Variants in GMDS observed in about 807,000 individuals in gnomAD.
GMDS encodes GDP-mannose 4,6 dehydratase.
In GMDS, 20 loss-of-function variants were observed where a neutral mutation model predicts 49.9. The observed-to-expected ratio is 0.40, with a 90% CI of 0.28 to 0.58. GMDS has a LOEUF of 0.58. GMDS is among the 20% of genes least tolerant of loss of function. The pLI is 0.42. For missense variants in GMDS, 362 were observed against 481.4 expected, an observed-to-expected ratio of 0.75 and a Z score of 2.32; for synonymous variants, 177 against 178.6, an observed-to-expected ratio of 0.99 and a Z score of 0.07.
At chr6:2,041,670 G>A (rs1769690726) in intron 4 of GMDS, among the ~76,000 whole-genome samples, 1 of 152,162 alleles carries the variant, frequency 6.6e-6, no homozygotes, top group Admixed American at 6.5e-5. Flanking sequence ...GTCATGGGGA[G>A]GTGGAGGTCA....
intron 7 of GMDS, among the ~76,000 whole-genome samples, chr6:1,804,431 G>T (rs1237689994): frequency 1.3e-5 from 2 of 152,238 alleles, no homozygotes; most frequent in Non-Finnish European, 2.9e-5. Context: ...TGGTAACTGT[G>T]GCGTCTGCCA....
chr6:2,216,857 A>G (rs1370567224), intron 1 of GMDS, among the ~76,000 whole-genome samples: 1 of 152,166 alleles, frequency 6.6e-6, no homozygotes, highest in East Asian at 1.9e-4. Flanking sequence ...TCTCCTGGGC[A>G]GGTGCCTCTG....
chr6:1,659,262 C>T (rs1266921778), intron 9 of GMDS, among the ~76,000 whole-genome samples: 2 of 150,064 alleles, frequency 1.3e-5, no homozygotes, highest in South Asian at 2.2e-4. Context: ...TCATAAAATT[C>T]ACTCGTTTCA....
At chr6:1,809,752 A>G (rs565607553) in intron 7 of GMDS, among the ~76,000 whole-genome samples, 1 of 152,306 alleles carries the variant, frequency 6.6e-6, no homozygotes, top group East Asian at 1.9e-4. Flanking sequence ...AAGATCCTGA[A>G]AAGACAATCT....
intron 4 of GMDS, among the ~76,000 whole-genome samples, chr6:1,987,279 CAACTTTTTTTTT>C (rs1561949125): frequency 0.075 from 4,866 of 65,158 alleles, 254 homozygotes; most frequent in African/African-American, 0.21. Context: ...AACCTTTTTT[CAACTTTTTTTTT>C]CTTCCTTTCT....
chr6:2,064,543 T>C (rs1441396304), intron 4 of GMDS, among the ~76,000 whole-genome samples: 8 of 152,090 alleles, frequency 5.3e-5, no homozygotes, highest in Admixed American at 6.5e-5. Flanking sequence ...ACCTGTTTTT[T>C]CCCCCACCTA....
intron 7 of GMDS, among the ~76,000 whole-genome samples, chr6:1,754,432 C>T (rs1357913896): frequency 6.6e-6 from 1 of 152,156 alleles, no homozygotes; most frequent in African/African-American, 2.4e-5. Flanking sequence ...GGATTCACAG[C>T]CGAATTCTAC....
chr6:1,723,222 T>C (rs1326288055), intron 9 of GMDS, among the ~76,000 whole-genome samples: 1 of 151,930 alleles, frequency 6.6e-6, no homozygotes, highest in African/African-American at 2.4e-5. Flanking sequence ...CTGAGTCTTA[T>C]TCAAAACATA....
chr6:2,037,114 G>T (rs946256591), intron 4 of GMDS, among the ~76,000 whole-genome samples: 7 of 152,130 alleles, frequency 4.6e-5, no homozygotes, highest in African/African-American at 1.7e-4. Flanking sequence ...AAATGGTTCA[G>T]TCAGGCAAAC....
At chr6:2,231,316 A>C (rs997666720) in intron 1 of GMDS, among the ~76,000 whole-genome samples, 1 of 152,122 alleles carries the variant, frequency 6.6e-6, no homozygotes, top group African/African-American at 2.4e-5. Context: ...CCAGCAGTTT[A>C]GGAGGCCTGA....
intron 1 of GMDS, among the ~76,000 whole-genome samples, chr6:2,135,642 T>A (rs1775958349): frequency 6.6e-6 from 1 of 151,972 alleles, no homozygotes; most frequent in Non-Finnish European, 1.5e-5. Flanking sequence ...AGCAATGACA[T>A]TAATGCCGAC....
At chr6:1,703,209 G>A (rs1470699126) in intron 9 of GMDS, among the ~76,000 whole-genome samples, 1 of 152,112 alleles carries the variant, frequency 6.6e-6, no homozygotes, top group Non-Finnish European at 1.5e-5. Context: ...AGTGAGCTGG[G>A]GTAAATGGGG....
chr6:1,974,888 A>T (rs1413750267), intron 4 of GMDS, among the ~76,000 whole-genome samples: 2 of 150,882 alleles, frequency 1.3e-5, no homozygotes, highest in Non-Finnish European at 3.0e-5. Context: ...AGAAAAAAAA[A>T]TTAGCCAGGC....
intron 7 of GMDS, among the ~76,000 whole-genome samples, chr6:1,749,449 G>A (rs902026529): frequency 2.6e-5 from 4 of 151,980 alleles, no homozygotes; most frequent in Admixed American, 2.6e-4. Context: ...TTAGCTGGGC[G>A]TGGTGGGGGC....
chr6:1,757,319 G>A (rs1767985705), intron 7 of GMDS, among the ~76,000 whole-genome samples: 1 of 152,192 alleles, frequency 6.6e-6, no homozygotes, highest in African/African-American at 2.4e-5. Context: ...CTTCCCAGAA[G>A]TGGTTGTTTC....
chr6:2,061,045 GAAAGA>G (rs1349240215), intron 4 of GMDS, among the ~76,000 whole-genome samples: 1 of 152,004 alleles, frequency 6.6e-6, no homozygotes, highest in African/African-American at 2.4e-5. Context: ...AAGGGAAAGG[GAAAGA>G]AAAGAAAAGA....
intron 9 of GMDS, among the ~76,000 whole-genome samples, chr6:1,702,500 G>C (rs1187665115): frequency 6.6e-5 from 10 of 151,648 alleles, no homozygotes; most frequent in Admixed American, 4.6e-4. Context: ...GTAGTTAGGA[G>C]GGCAGAGAAA....
intron 7 of GMDS, among the ~76,000 whole-genome samples, chr6:1,919,906 C>G (rs887672298): frequency 1.3e-5 from 2 of 152,168 alleles, no homozygotes; most frequent in African/African-American, 4.8e-5. Context: ...ATCAGCACTA[C>G]AAAGCCATCA....
intron 4 of GMDS, among the ~76,000 whole-genome samples, chr6:2,075,008 T>C (rs1012000343): frequency 2.0e-5 from 3 of 152,222 alleles, no homozygotes; most frequent in Admixed American, 2.0e-4. Context: ...TCTATATAAC[T>C]TTTTATAGCT....
Sources: allele counts gnomAD v4.1 joint callset (sites outside exome capture counted in the v4.1 genomes callset), GRCh38; gene constraint gnomAD v4.1.1; transcripts MANE v1.5; gene names NCBI Gene and HGNC (gene_info 2026-07-23, HGNC 2026-07-21).